Variants in PLCL1 observed in about 807,000 individuals in gnomAD.
PLCL1 encodes phospholipase C like 1 (inactive), also known as inactive phospholipase C-like protein 1.
A neutral mutation model predicts 84.4 loss-of-function variants in PLCL1; 41 were observed. That is an observed-to-expected ratio of 0.49 (90% confidence interval 0.38 to 0.63). The LOEUF (loss-of-function observed/expected upper bound fraction) is 0.63. PLCL1 is among the 30% of genes least tolerant of loss of function. PLCL1 has a pLI of 0.00. For missense variants in PLCL1, 1,206 were observed against 1,367.8 expected, an observed-to-expected ratio of 0.88 and a Z score of 1.87; for synonymous variants, 490 against 488.3, an observed-to-expected ratio of 1.00 and a Z score of -0.05.
intron 1 of PLCL1, among the ~76,000 whole-genome samples, chr2:198,065,799 T>G (rs1692309320): frequency 6.6e-6 from 1 of 152,334 alleles, no homozygotes; most frequent in South Asian, 2.1e-4. Flanking sequence ...AAACATGTTT[T>G]TAATTTGCCT....
At chr2:198,050,004 A>G (rs1164989789) in intron 1 of PLCL1, among the ~76,000 whole-genome samples, 1 of 152,208 alleles carries the variant, frequency 6.6e-6, no homozygotes, top group Non-Finnish European at 1.5e-5. Flanking sequence ...GCTTTGAGAA[A>G]GGCTTTGGCA....
chr2:198,069,262 G>A (rs886653859), intron 1 of PLCL1, among the ~76,000 whole-genome samples: 1 of 151,718 alleles, frequency 6.6e-6, no homozygotes, highest in Admixed American at 6.6e-5. Context: ...AGACTGAGGC[G>A]GGAGGATCAC....
chr2:198,022,233 C>G (rs114163343), intron 1 of PLCL1, among the ~76,000 whole-genome samples: 11,630 of 152,176 alleles, frequency 0.076, 593 homozygotes, highest in Non-Finnish European at 0.11. Flanking sequence ...TGGAACATAT[C>G]TCAATATAAT....
chr2:197,914,618 T>G (rs1413091883), intron 1 of PLCL1, among the ~76,000 whole-genome samples: 2 of 152,208 alleles, frequency 1.3e-5, no homozygotes, highest in African/African-American at 4.8e-5. Context: ...TGTGAGCCAT[T>G]GTGCCCGGCC....
chr2:197,818,423 C>T (rs921133045), intron 1 of PLCL1, among the ~76,000 whole-genome samples: 7 of 151,974 alleles, frequency 4.6e-5, no homozygotes, highest in Non-Finnish European at 7.4e-5. Flanking sequence ...GAGGTTGGGG[C>T]GGGGGGTGTT....
chr2:197,850,121 A>G lies in PLCL1; in HGVS notation c.240+44782A>G, dbSNP rs983537332. On this transcript the variant is annotated intron_variant, in intron 1 of 5. Coordinates refer to ENST00000428675, the MANE Select transcript of PLCL1 (RefSeq NM_006226.4). Reference sequence around the variant, plus strand: ...CCTGGCTCAGTCACCAGGTAGTGGTATGCCCTTGGGCAGGTGATTTAACCT... The same window carrying G: ...CCTGGCTCAGTCACCAGGTAGTGGTGTGCCCTTGGGCAGGTGATTTAACCT... Among the ~76,000 whole-genome samples the G allele has an allele frequency of 6.6e-5, 10 of 151,730 alleles. No homozygotes were observed. In the South Asian group the frequency reaches 8.3e-4, roughly 13 times the overall value.
intron 1 of PLCL1, among the ~76,000 whole-genome samples, chr2:197,941,916 C>T (rs1689167130): frequency 6.6e-6 from 1 of 152,086 alleles, no homozygotes; most frequent in Admixed American, 6.6e-5. Flanking sequence ...TAGTCATGAC[C>T]TCCCAGGTTC....
chr2:197,998,173 C>CTGTGTGTGTG (rs1332006979), intron 1 of PLCL1, among the ~76,000 whole-genome samples: 3 of 77,342 alleles, frequency 3.9e-5, no homozygotes, highest in Non-Finnish European at 5.7e-5. Flanking sequence ...AAGAATGGAG[C>CTGTGTGTGTG]TATGTGTGTG....
rs1689498070 is a variant in PLCL1 at position 197,956,540 on chromosome 2, G to T, written c.241-127218G>T. On this transcript the variant is annotated intron_variant, in intron 1 of 5. Transcript: ENST00000428675. ...GAACTAATTTACATTCCTACCAACAGCGTAAAAGCATTTCTATTTCTCCAC... is the reference window on the plus strand; with the variant it reads ...GAACTAATTTACATTCCTACCAACATCGTAAAAGCATTTCTATTTCTCCAC... Among the ~76,000 whole-genome samples, 3 of 152,248 alleles carry T rather than the reference G, an allele frequency of 2.0e-5. No individual in the cohort carries two copies. In the South Asian group the frequency reaches 6.2e-4, roughly 32 times the overall value.
chr2:197,897,170 TCTTCTTC>T (rs1559038579), intron 1 of PLCL1, among the ~76,000 whole-genome samples: 1 of 47,734 alleles, frequency 2.1e-5, no homozygotes, highest in African/African-American at 1.2e-4. Context: ...TTCTTCTTCT[TCTTCTTC>T]TTCTTCTTCT....
chr2:198,083,044 A>G (rs1475610389), intron 1 of PLCL1, among the ~76,000 whole-genome samples: 1 of 152,220 alleles, frequency 6.6e-6, no homozygotes, highest in Non-Finnish European at 1.5e-5. Flanking sequence ...AATTTAACTT[A>G]TATTGGAAGA....
intron 1 of PLCL1, among the ~76,000 whole-genome samples, chr2:198,075,920 CT>C (rs1692567681): frequency 6.6e-6 from 1 of 152,116 alleles, no homozygotes; most frequent in Non-Finnish European, 1.5e-5. Context: ...CTCAGTCAAT[CT>C]TTGTGTAAAT....
rs1000440072 is a variant in PLCL1, at chr2:197,920,278, T to C, written c.240+114939T>C. Among the ~76,000 whole-genome samples the C allele has an allele frequency of 3.3e-5, 5 of 152,046 alleles. No individual in the cohort carries two copies. The East Asian group carries it at 9.7e-4, about 30-fold the overall frequency. The stretch of plus-strand genomic sequence containing the variant: ...CTCAGAATGCTCATTGGAAGACTTG[T>C]GTGTATCATCTTTCTCTCCAGTGCT... On this transcript the variant is annotated intron_variant, in intron 1 of 5. Transcript: ENST00000428675.
chr2:197,924,289 T>C (rs12995110), intron 1 of PLCL1, among the ~76,000 whole-genome samples: 74,191 of 152,020 alleles, frequency 0.49, 19,023 homozygotes, highest in East Asian at 0.77. Flanking sequence ...GCAGCTTCAA[T>C]GTCTTTGTTC....
chr2:197,817,279 CTT>C (rs754797151), intron 1 of PLCL1, among the ~76,000 whole-genome samples: 3 of 151,958 alleles, frequency 2.0e-5, no homozygotes, highest in Non-Finnish European at 4.4e-5. Flanking sequence ...ACCTAAAAAA[CTT>C]TTTTTCCTCA....
chr2:197,924,864 T>A (rs939348188), intron 1 of PLCL1, among the ~76,000 whole-genome samples: 2 of 152,166 alleles, frequency 1.3e-5, no homozygotes, highest in African/African-American at 2.4e-5. Context: ...ACATTTAGGG[T>A]TTCCATAATA....
At chr2:197,989,013 A>G (rs1043864613) in intron 1 of PLCL1, among the ~76,000 whole-genome samples, 3 of 152,222 alleles carry the variant, frequency 2.0e-5, no homozygotes, top group Non-Finnish European at 2.9e-5. Context: ...GGGATAAATT[A>G]TATCCTATTG....
chr2:198,083,839 G>T lies in PLCL1; in HGVS notation c.322G>T (p.Ala108Ser). The change falls in exon 2 of 6, where the codon GCA (alanine) becomes TCA (serine). Residue 108 changes from alanine to serine, a missense_variant. Transcript: ENST00000428675. ...GCCATCGGAAAAGAAAATTAGCAGT[G>T]CAAATGACTGCATCAGCTTCATGCA... ...SMPSEKKISS[A>S]NDCISFMQAG... 1 of 1,613,910 alleles carries T rather than the reference G, an allele frequency of 6.2e-7. No homozygotes were observed. Among genetic ancestry groups the T allele is most frequent in the African/African-American group, 1.3e-5 (1 of 75,040 alleles).
At chr2:198,003,600 C>G (rs1184649129) in intron 1 of PLCL1, among the ~76,000 whole-genome samples, 1 of 152,200 alleles carries the variant, frequency 6.6e-6, no homozygotes, top group Non-Finnish European at 1.5e-5. Flanking sequence ...CGTCTAACTT[C>G]TAGTATTTCA....
Sources: gnomAD v4.1 joint callset for allele counts (sites outside exome capture counted in the v4.1 genomes callset) on GRCh38, gnomAD v4.1.1 for gene constraint, MANE v1.5 for transcripts, NCBI Gene and HGNC (gene_info 2026-07-23, HGNC 2026-07-21) for gene names.